The following TMEM87A variants were observed in gnomAD, a reference collection of about 807,000 sequenced individuals.
The protein encoded by TMEM87A is Golgi-pH regulating cation channel.
Under a neutral mutation model 90.0 loss-of-function variants are expected in TMEM87A, and 50 were observed. The observed-to-expected ratio is 0.56, with a 90% CI of 0.44 to 0.70. The LOEUF (loss-of-function observed/expected upper bound fraction) is 0.70, where lower values mean the gene tolerates loss of function less well. Ranked by LOEUF, TMEM87A falls within the 30% of genes least tolerant of loss-of-function variation. The pLI is 0.00. For missense variants in TMEM87A, 577 were observed against 660.5 expected (o/e 0.87, Z 1.39); for synonymous variants, 226 against 226.7 (o/e 1.00, Z 0.03).
intron 7 of TMEM87A, among the ~76,000 whole-genome samples, chr15:42,242,918 C>G (rs1055673752): frequency 2.0e-5 from 3 of 152,076 alleles, no homozygotes; most frequent in Middle Eastern, 3.4e-3. Flanking sequence ...AAGTCAGGAG[C>G]GAAGTAACGG....
intron 7 of TMEM87A, among the ~76,000 whole-genome samples, chr15:42,241,487 T>C (rs1014054085): frequency 1.3e-5 from 2 of 152,132 alleles, no homozygotes; most frequent in African/African-American, 4.8e-5. Context: ...TATAATACCA[T>C]ATAGTAGTGG....
At chr15:42,231,026 A>C (rs1480415293) in intron 12 of TMEM87A, among the ~76,000 whole-genome samples, 166 bp downstream of exon 12, 2 of 152,170 alleles carry the variant, frequency 1.3e-5, no homozygotes, top group Non-Finnish European at 2.9e-5. Flanking sequence ...GAAACAAAAA[A>C]AACTGCTTAC....
chr15:42,238,136 T>C (rs2050809203), intron 8 of TMEM87A, among the ~76,000 whole-genome samples: 2 of 152,146 alleles, frequency 1.3e-5, no homozygotes, highest in Admixed American at 6.6e-5. Context: ...TGCTCTCCTA[T>C]AGTAAAAGAG....
Position 42,247,846 on chromosome 15 carries a change from G to A in TMEM87A, c.505-3679C>T, listed in dbSNP as rs542017279. On this transcript the variant is annotated intron_variant, in intron 6 of 19. Coordinates refer to ENST00000389834, the MANE Select transcript of TMEM87A (RefSeq NM_015497.5). ...AGAAAGTCATTGGTAGCTTGATGGG[G>A]ATGGCATTGAATCTATAAATTACCT... 6.6e-5 allele frequency among the ~76,000 whole-genome samples: 10 copies of A among 152,174 alleles called. No individual in the cohort carries two copies. In the East Asian group the frequency reaches 1.9e-3, roughly 29 times the overall value.
intron 6 of TMEM87A, among the ~76,000 whole-genome samples, chr15:42,245,013 C>T (rs534996162): frequency 2.6e-5 from 4 of 151,818 alleles, no homozygotes; most frequent in Non-Finnish European, 5.9e-5. Flanking sequence ...TAGTTCTCCT[C>T]AAATGGTTAA....
At chr15:42,214,220 C>T (rs925595973) in intron 19 of TMEM87A, among the ~76,000 whole-genome samples, 1 of 152,138 alleles carries the variant, frequency 6.6e-6, no homozygotes, top group Non-Finnish European at 1.5e-5. Context: ...CAGATGGCTT[C>T]TTTAGTTGAG....
At chr15:42,259,612 T>C (rs895186809) in intron 6 of TMEM87A, among the ~76,000 whole-genome samples, 6 of 152,172 alleles carry the variant, frequency 3.9e-5, no homozygotes, top group Admixed American at 1.3e-4. Flanking sequence ...AAGAGGCTGA[T>C]TGGAAACTTA....
At chr15:42,272,883 A>G in intron 1 of TMEM87A, 2 of 469,388 alleles carry the variant, frequency 4.3e-6, no homozygotes, top group South Asian at 1.6e-5. Flanking sequence ...GAAGACTCCT[A>G]TTTACATATC....
At chr15:42,233,695 AT>A (rs2050724816) in intron 10 of TMEM87A, among the ~76,000 whole-genome samples, 1 of 152,184 alleles carries the variant, frequency 6.6e-6, no homozygotes, top group Non-Finnish European at 1.5e-5. Flanking sequence ...TAGACAGTAT[AT>A]CTTTGATATA....
intron 6 of TMEM87A, among the ~76,000 whole-genome samples, chr15:42,250,320 G>A (rs1416695147): frequency 6.6e-6 from 1 of 152,130 alleles, no homozygotes; most frequent in Non-Finnish European, 1.5e-5. Flanking sequence ...TGATACTAGT[G>A]GGTTATTTTG....
At chr15:42,242,356 G>C (rs933948573) in intron 7 of TMEM87A, among the ~76,000 whole-genome samples, 1 of 152,166 alleles carries the variant, frequency 6.6e-6, no homozygotes, top group Non-Finnish European at 1.5e-5. Flanking sequence ...AGCCAGGCTG[G>C]ATGCATGAAG....
At chr15:42,221,007 G>GT (rs1292799063) in intron 15 of TMEM87A, among the ~76,000 whole-genome samples, 1 of 152,036 alleles carries the variant, frequency 6.6e-6, no homozygotes, top group East Asian at 1.9e-4. Flanking sequence ...GGGCGTGGAG[G>GT]TGCACGCCTG....
rs1024607781 is a variant in TMEM87A at position 42,261,702 on chromosome 15, C to T, written c.406-453G>A. 4.0e-5 allele frequency among the ~76,000 whole-genome samples: 6 copies of T among 149,562 alleles called. 1 individual carries two copies. Among genetic ancestry groups the T allele is most frequent in the Admixed American group, 1.3e-4 (2 of 14,952 alleles). On this transcript the variant is annotated intron_variant, in intron 4 of 19. Coordinates refer to ENST00000389834, the MANE Select transcript of TMEM87A (RefSeq NM_015497.5). ...AGACTGGAGTGCAGTGGTGTTATCT[C>T]GGCTCACTGCAAGCTCCGCCTCCCA...
Position 42,210,813 on chromosome 15 carries a change from C to T in TMEM87A, c.*895G>A, listed in dbSNP as rs2050270743. 1 of 152,644 alleles carries T rather than the reference C, an allele frequency of 6.6e-6. No individual in the cohort carries two copies. The highest frequency in any genetic ancestry group is 2.4e-5 in the African/African-American group (1 of 41,444). The allele number at this position is 152,644 out of a possible 1,614,324, so 9.5% of individuals were successfully genotyped here. ...CCTGTTTCCTTTGTATAAGCTACAA[C>T]TTCTGAAGCATTACAGTTCCTCTAG... On this transcript the variant is annotated 3_prime_UTR_variant, in exon 20 of 20. Transcript: ENST00000389834.
intron 7 of TMEM87A, among the ~76,000 whole-genome samples, chr15:42,243,725 G>C (rs1175583468): frequency 6.6e-6 from 1 of 151,850 alleles, no homozygotes; most frequent in East Asian, 1.9e-4. Flanking sequence ...CTCCATGTTG[G>C]TCAGGCTGGT....
intron 19 of TMEM87A, among the ~76,000 whole-genome samples, chr15:42,213,681 C>A (rs1368036210): frequency 6.6e-6 from 1 of 152,146 alleles, no homozygotes; most frequent in Non-Finnish European, 1.5e-5. Flanking sequence ...AATACATATG[C>A]AGAAGTCCAG....
Position 42,273,393 on chromosome 15 carries a change from C to T in TMEM87A, c.6G>A (p.Ala2=). 6.2e-7 allele frequency: 1 copy of T among 1,614,056 alleles called. No homozygotes were observed. Among genetic ancestry groups the T allele is most frequent in the African/African-American group, 1.3e-5 (1 of 75,060 alleles). The change falls in exon 1 of 20, where the codon GCG becomes GCA. Residue 2 remains alanine (A), a synonymous_variant. Coordinates refer to ENST00000389834, the MANE Select transcript of TMEM87A (RefSeq NM_015497.5). ...GCAACACCTGAAGCCACGCAGCCGC[C>T]GCCATCTTCACAGCCGTGGAGTGCC... is the stretch of plus-strand genomic sequence containing the variant. The part of the protein sequence containing the change: M[A]AAAWLQVLPV...
At chr15:42,271,149 A>G (rs891158810) in intron 2 of TMEM87A, among the ~76,000 whole-genome samples, 4 of 152,220 alleles carry the variant, frequency 2.6e-5, no homozygotes, top group Admixed American at 1.3e-4. Flanking sequence ...TGAACACACA[A>G]TGGGATACTT....
At position 42,226,897 on chromosome 15, in the gene TMEM87A, G is replaced by A; in HGVS notation, c.1312C>T (p.Leu438=). The A allele has an allele frequency of 6.2e-7, 1 of 1,613,976 alleles. No individual in the cohort carries two copies. The highest frequency in any genetic ancestry group is 1.1e-5 in the South Asian group (1 of 91,084). ...IVTCQSDWRE[L]WVDDAIWRLL... The stretch of plus-strand genomic sequence containing the variant: ...CGCCAGATGGCATCGTCTACCCACA[G>A]CTCCCGCCAGTCCTACAATACAGGG... The change falls in exon 15 of 20, where the codon CTG becomes TTG. Residue 438 remains leucine, a synonymous_variant. Transcript: ENST00000389834.
Sources: gnomAD v4.1 joint callset for allele counts (sites outside exome capture counted in the v4.1 genomes callset) on GRCh38, gnomAD v4.1.1 for gene constraint, MANE v1.5 for transcripts, NCBI Gene and HGNC (gene_info 2026-07-23, HGNC 2026-07-21) for gene names.